Variants in NOL4 observed in about 807,000 individuals in gnomAD.
NOL4 encodes the protein cancer/testis antigen 125.
A neutral mutation model predicts 75.9 loss-of-function variants in NOL4; 17 were observed. The observed-to-expected ratio is 0.22, with a 90% CI of 0.15 to 0.34. The LOEUF (loss-of-function observed/expected upper bound fraction) is 0.34. Ranked by LOEUF, NOL4 falls within the 10% of genes least tolerant of loss-of-function variation. The pLI is 1.00. For missense variants in NOL4, 614 were observed against 793.5 expected (o/e 0.77, Z 2.72); for synonymous variants, 292 against 289.9 (o/e 1.01, Z -0.07).
chr18:34,014,835 C>T lies in NOL4; in HGVS notation c.1056+4483G>A, dbSNP rs530093556. On this transcript the variant is annotated intron_variant, in intron 6 of 10. Coordinates refer to ENST00000261592, the MANE Select transcript of NOL4 (RefSeq NM_003787.5). ...GTTAATTTGCATAATAATAAGTAAT[C>T]AGTAAATGACATAGTCCAACTCAAC... Among the ~76,000 whole-genome samples the T allele has an allele frequency of 2.0e-5, 3 of 152,134 alleles. No homozygotes were observed. The East Asian group carries it at 5.8e-4, about 29-fold the overall frequency.
chr18:33,888,482 A>T (rs1452052026), intron 9 of NOL4, among the ~76,000 whole-genome samples: 1 of 152,116 alleles, frequency 6.6e-6, no homozygotes, highest in East Asian at 1.9e-4. Context: ...TTTAGACATG[A>T]AGTCCTTGCC....
intron 9 of NOL4, among the ~76,000 whole-genome samples, chr18:33,888,933 G>A (rs936935977): frequency 3.3e-5 from 5 of 151,828 alleles, no homozygotes; most frequent in South Asian, 4.2e-4. Context: ...ATCTAAAATC[G>A]ACATCCTAAC....
intron 9 of NOL4, among the ~76,000 whole-genome samples, chr18:33,936,286 G>A (rs558831071): frequency 1.7e-4 from 26 of 151,886 alleles, no homozygotes; most frequent in African/African-American, 6.3e-4. Context: ...AAATCATGAA[G>A]AGACACAGAT....
chr18:33,913,771 G>T (rs956057223), intron 9 of NOL4, among the ~76,000 whole-genome samples: 6 of 152,060 alleles, frequency 3.9e-5, no homozygotes, highest in East Asian at 1.9e-4. Flanking sequence ...CAAGTCAAAG[G>T]CTCCTTGGGT....
intron 6 of NOL4, among the ~76,000 whole-genome samples, chr18:33,981,313 C>T (rs1462510324): frequency 6.8e-6 from 1 of 147,210 alleles, no homozygotes; most frequent in East Asian, 2.0e-4. Flanking sequence ...AAATGTCAAA[C>T]ACCACACCAC....
intron 1 of NOL4, among the ~76,000 whole-genome samples, chr18:34,135,426 C>T (rs901755147): frequency 9.9e-5 from 15 of 151,906 alleles, no homozygotes; most frequent in Non-Finnish European, 1.5e-4. Context: ...CAGCGGGGTG[C>T]GGTGGCTCGT....
chr18:34,174,728 C>A (rs1288190221), intron 1 of NOL4, among the ~76,000 whole-genome samples: 5 of 152,146 alleles, frequency 3.3e-5, no homozygotes, highest in African/African-American at 1.2e-4. Context: ...CTCCCTGTGT[C>A]CATGTGTTCT....
chr18:34,087,723 T>C (rs2145476591), intron 5 of NOL4, among the ~76,000 whole-genome samples: 1 of 152,096 alleles, frequency 6.6e-6, no homozygotes, highest in Middle Eastern at 3.4e-3. Context: ...CCTTTTAGAA[T>C]TATATCTCTG....
chr18:34,090,633 A>G (rs1177106664), intron 5 of NOL4, among the ~76,000 whole-genome samples: 2 of 152,040 alleles, frequency 1.3e-5, no homozygotes, highest in Non-Finnish European at 2.9e-5. Context: ...ACAGAGATGA[A>G]TGAGACAGAA....
At chr18:33,900,390 C>T (rs934371049) in intron 9 of NOL4, among the ~76,000 whole-genome samples, 35 of 152,150 alleles carry the variant, frequency 2.3e-4, no homozygotes, top group African/African-American at 8.4e-4. Flanking sequence ...GACAATTCAA[C>T]ATGAGATATG....
At chr18:34,134,447 GACACACACAC>G (rs199707766) in intron 1 of NOL4, among the ~76,000 whole-genome samples, 3,605 of 134,174 alleles carry the variant, frequency 0.027, 62 homozygotes, top group Middle Eastern at 0.045. Flanking sequence ...GACTCCAAGT[GACACACACAC>G]ACACACACAC....
At chr18:34,057,612 T>G (rs2076885145) in intron 5 of NOL4, among the ~76,000 whole-genome samples, 1 of 152,174 alleles carries the variant, frequency 6.6e-6, no homozygotes, top group South Asian at 2.1e-4. Context: ...AGTAACAGTA[T>G]CTATTGACAA....
At chr18:33,926,958 G>A (rs947570322) in intron 9 of NOL4, among the ~76,000 whole-genome samples, 27 of 152,118 alleles carry the variant, frequency 1.8e-4, no homozygotes, top group African/African-American at 6.3e-4. Flanking sequence ...TATTAATTAA[G>A]TTTATAGTTA....
intron 2 of NOL4, among the ~76,000 whole-genome samples, chr18:34,123,532 CATATATATAT>C (rs34954122): frequency 0.012 from 1,520 of 129,330 alleles, 26 homozygotes; most frequent in African/African-American, 0.041. Flanking sequence ...ATGTGATAAC[CATATATATAT>C]ATATATATAT....
intron 9 of NOL4, among the ~76,000 whole-genome samples, chr18:33,895,828 AT>A (rs1263527482): frequency 6.6e-6 from 1 of 152,176 alleles, no homozygotes; most frequent in Non-Finnish European, 1.5e-5. Context: ...AGAGAAAAAA[AT>A]AAAGCACATC....
At chr18:34,123,433 G>A (rs1290350451) in intron 2 of NOL4, among the ~76,000 whole-genome samples, 1 of 150,118 alleles carries the variant, frequency 6.7e-6, no homozygotes. Flanking sequence ...GTGTGGATAT[G>A]GGGTGTGTGT....
rs970973347 is a variant in NOL4 at position 33,916,760 on chromosome 18, A to G, written c.1542+26305T>C. 6.6e-5 allele frequency among the ~76,000 whole-genome samples: 10 copies of G among 152,318 alleles called. No individual in the cohort carries two copies. In the East Asian group the frequency reaches 1.9e-3, roughly 29 times the overall value. ...TTTAGACATGCCTAGTACTAAATGT[A>G]TCTATGTTTAGGTATAACTTCAGAT... On this transcript the variant is annotated intron_variant, in intron 9 of 10. Transcript: ENST00000261592.
chr18:33,951,531 ATTC>A (rs1015295689), intron 8 of NOL4, among the ~76,000 whole-genome samples: 6 of 151,950 alleles, frequency 3.9e-5, no homozygotes, highest in African/African-American at 1.4e-4. Flanking sequence ...ATTCTGAAAA[ATTC>A]TTCATCATTA....
At chr18:34,076,319 T>C (rs1377658361) in intron 5 of NOL4, among the ~76,000 whole-genome samples, 16 of 152,122 alleles carry the variant, frequency 1.1e-4, no homozygotes, top group Admixed American at 1.0e-3. Flanking sequence ...TTCACTTTAT[T>C]ATACCCATAC....
Sources: allele counts gnomAD v4.1 joint callset (sites outside exome capture counted in the v4.1 genomes callset), GRCh38; gene constraint gnomAD v4.1.1; transcripts MANE v1.5; gene names NCBI Gene and HGNC (gene_info 2026-07-23, HGNC 2026-07-21).